AMBRA1: variants seen among roughly 807,000 people sequenced by gnomAD.
AMBRA1 encodes activating molecule in BECN1-regulated autophagy protein 1.
In AMBRA1, 47 loss-of-function variants were observed where a neutral mutation model predicts 125.4. The observed-to-expected ratio is 0.37, with a 90% confidence interval of 0.30 to 0.48. The LOEUF is 0.48. Ranked by LOEUF, AMBRA1 falls within the 20% of genes least tolerant of loss-of-function variation. The pLI is 0.99. For synonymous variants in AMBRA1, 626 were observed against 655.5 expected (o/e 0.95, Z 0.69); for missense variants, 1,331 against 1,693.4 (o/e 0.79, Z 3.76).
At chr11:46,565,707 A>C (rs551980528) in intron 1 of AMBRA1, among the ~76,000 whole-genome samples, 34 of 152,156 alleles carry the variant, frequency 2.2e-4, no homozygotes, top group African/African-American at 7.9e-4. Context: ...TCATGTCTCA[A>C]AAAAAAACGT....
intron 12 of AMBRA1, among the ~76,000 whole-genome samples, chr11:46,439,530 A>C (rs1947899054): frequency 6.6e-6 from 1 of 152,210 alleles, no homozygotes; most frequent in Non-Finnish European, 1.5e-5. Flanking sequence ...TTGGGACTAA[A>C]TTTCCTAGTG....
intron 11 of AMBRA1, among the ~76,000 whole-genome samples, chr11:46,491,859 T>C (rs572776670): frequency 3.2e-4 from 49 of 152,012 alleles, no homozygotes; most frequent in Admixed American, 1.9e-3. Flanking sequence ...AAACAGGAAA[T>C]TGAAGTAAGG....
At chr11:46,532,412 A>G (rs764738891) in intron 7 of AMBRA1, among the ~76,000 whole-genome samples, 1 of 152,218 alleles carries the variant, frequency 6.6e-6, no homozygotes, top group Admixed American at 6.5e-5. Flanking sequence ...ACTACTGATA[A>G]GCTTAAGAGC....
chr11:46,521,564 T>A (rs1951762862), intron 7 of AMBRA1, among the ~76,000 whole-genome samples: 1 of 152,280 alleles, frequency 6.6e-6, no homozygotes, highest in African/African-American at 2.4e-5. Context: ...AAGCCCTTAT[T>A]CTTTGTAAAA....
At chr11:46,572,610 T>C (rs183863743) in intron 1 of AMBRA1, among the ~76,000 whole-genome samples, 65 of 152,276 alleles carry the variant, frequency 4.3e-4, no homozygotes, top group African/African-American at 1.5e-3. Flanking sequence ...CTCTTAGGCA[T>C]TGGAGGGAAC....
chr11:46,493,532 T>A, intron 11 of AMBRA1, 76 bp downstream of exon 11: 1 of 1,185,420 alleles, frequency 8.4e-7, no homozygotes, highest in Non-Finnish European at 1.2e-6. Context: ...CACATCAACA[T>A]AGGTAAAGGA....
chr11:46,463,126 T>C (rs1185446285), intron 11 of AMBRA1, among the ~76,000 whole-genome samples: 1 of 152,220 alleles, frequency 6.6e-6, no homozygotes. Context: ...AGAAGCCCCA[T>C]GGCACTTTGT....
intron 1 of AMBRA1, among the ~76,000 whole-genome samples, chr11:46,570,942 T>C (rs1483570195): frequency 6.6e-6 from 1 of 152,192 alleles, no homozygotes; most frequent in African/African-American, 2.4e-5. Flanking sequence ...AAAAGGCCTC[T>C]AACCTCTGAG....
At chr11:46,553,884 T>A (rs973550659) in intron 1 of AMBRA1, among the ~76,000 whole-genome samples, 10 of 152,182 alleles carry the variant, frequency 6.6e-5, no homozygotes, top group Admixed American at 5.2e-4. Flanking sequence ...TATTAGTGCA[T>A]AAATATGTAC....
rs147935667 is a variant in AMBRA1, at chr11:46,448,613, A to G, written c.2522-5015T>C. ...AGAAGAAAAACATGAGCAGAAACCA[A>G]TGAAACTGAAAACAGGAAATCACCT... On this transcript the variant is annotated intron_variant, in intron 11 of 17. Coordinates refer to ENST00000683756, the MANE Select transcript of AMBRA1 (RefSeq NM_001387011.1). 6.3e-3 allele frequency among the ~76,000 whole-genome samples: 960 copies of G among 152,292 alleles called. 10 individuals are homozygous for G. Among genetic ancestry groups the G allele is most frequent in the African/African-American group, 0.015 (636 of 41,572 alleles).
chr11:46,493,738 G>C, intron 10 of AMBRA1, 30 bp from the exon 11 acceptor site: 1 of 1,541,552 alleles, frequency 6.5e-7, no homozygotes, highest in Non-Finnish European at 8.8e-7. Flanking sequence ...GTGAAAAGCT[G>C]ACTAAAGACT....
intron 11 of AMBRA1, among the ~76,000 whole-genome samples, chr11:46,471,288 T>C (rs1446294080): frequency 2.6e-5 from 4 of 151,708 alleles, no homozygotes; most frequent in Non-Finnish European, 5.9e-5. Flanking sequence ...CTAAAAAATA[T>C]AAAAATTCGT....
chr11:46,535,191 G>C (rs1015753592), intron 7 of AMBRA1, among the ~76,000 whole-genome samples: 4 of 152,058 alleles, frequency 2.6e-5, no homozygotes, highest in Admixed American at 6.5e-5. Flanking sequence ...CTTAAATGCC[G>C]AACTTCTAAC....
At chr11:46,440,054 T>C (rs753260798) in intron 12 of AMBRA1, among the ~76,000 whole-genome samples, 3 of 152,200 alleles carry the variant, frequency 2.0e-5, no homozygotes, top group Non-Finnish European at 4.4e-5. Flanking sequence ...GAGTGTGGTA[T>C]GGCAATAACT....
intron 7 of AMBRA1, among the ~76,000 whole-genome samples, chr11:46,540,952 A>G (rs1417287498): frequency 6.6e-6 from 1 of 152,336 alleles, no homozygotes. Context: ...TGTCTAAAGC[A>G]TCCTCCCAAA....
chr11:46,436,408 G>A (rs970216003), intron 12 of AMBRA1, among the ~76,000 whole-genome samples: 1 of 146,852 alleles, frequency 6.8e-6, no homozygotes, highest in Non-Finnish European at 1.6e-5. Context: ...GCCAACTCGG[G>A]GGCTGACACC....
chr11:46,547,415 A>T (rs948496488), intron 3 of AMBRA1, 119 bp from the exon 4 acceptor site: 69 of 887,688 alleles, frequency 7.8e-5, no homozygotes, highest in Non-Finnish European at 1.1e-4. Context: ...AAAGAAACTA[A>T]GCTTTGTATG....
intron 1 of AMBRA1, among the ~76,000 whole-genome samples, chr11:46,592,139 TAGTC>T (rs987927088): frequency 6.6e-6 from 1 of 151,750 alleles, no homozygotes; most frequent in African/African-American, 2.4e-5. Flanking sequence ...TTCTCCACGT[TAGTC>T]AGGCTGGTCT....
intron 12 of AMBRA1, among the ~76,000 whole-genome samples, chr11:46,437,953 G>A (rs1947809315): frequency 1.3e-5 from 2 of 152,082 alleles, no homozygotes; most frequent in Non-Finnish European, 2.9e-5. Flanking sequence ...CTCACCAGGA[G>A]GGCATATTAA....
Sources: gnomAD v4.1 joint callset for allele counts (sites outside exome capture counted in the v4.1 genomes callset) on GRCh38, gnomAD v4.1.1 for gene constraint, MANE v1.5 for transcripts, NCBI Gene and HGNC (gene_info 2026-07-23, HGNC 2026-07-21) for gene names.